Variants in NCKAP5 observed in about 807,000 individuals in gnomAD.
NCKAP5 encodes the protein nck-associated protein 5.
A neutral mutation model predicts 167.0 loss-of-function variants in NCKAP5; 92 were observed. The ratio of observed to expected loss-of-function variants is 0.55; its 90% CI spans 0.47 to 0.66. The LOEUF (loss-of-function observed/expected upper bound fraction) is 0.66. Ranked by LOEUF, NCKAP5 falls within the 30% of genes least tolerant of loss-of-function variation. The probability of loss-of-function intolerance (pLI) is 0.00; values close to 1 mark genes in which losing one functional copy is unlikely to be tolerated. For synonymous variants in NCKAP5, 891 were observed against 877.4 expected (o/e 1.02, Z -0.27); for missense variants, 2,378 against 2,315.0 (o/e 1.03, Z -0.56).
At chr2:133,614,160 A>G in the NCKAP5 span, among the ~76,000 whole-genome samples, 1 of 152,156 alleles carries the variant, frequency 6.6e-6, no homozygotes, top group Non-Finnish European at 1.5e-5. Context: ...CTGAGATACC[A>G]AAAAACTGTG....
At chr2:133,652,304 C>T in the NCKAP5 span, among the ~76,000 whole-genome samples, 7 of 152,120 alleles carry the variant, frequency 4.6e-5, no homozygotes, top group African/African-American at 7.2e-5. Flanking sequence ...CCCAAGGCAA[C>T]GGAAGAGGGT....
At chr2:133,321,708 T>TGA (rs2150676328) in intron 3 of NCKAP5, among the ~76,000 whole-genome samples, 1 of 152,364 alleles carries the variant, frequency 6.6e-6, no homozygotes, top group East Asian at 1.9e-4. Flanking sequence ...TAAAAGTACC[T>TGA]GACTCCATTG....
chr2:132,895,998 G>T (rs1693172018), intron 8 of NCKAP5, among the ~76,000 whole-genome samples: 1 of 152,036 alleles, frequency 6.6e-6, no homozygotes, highest in Non-Finnish European at 1.5e-5. Context: ...AGCTGGGCGT[G>T]GTGGGAAGCA....
At chr2:133,287,563 C>A (rs1679240510) in intron 4 of NCKAP5, among the ~76,000 whole-genome samples, 2 of 152,190 alleles carry the variant, frequency 1.3e-5, no homozygotes, top group Non-Finnish European at 2.9e-5. Context: ...TAGCTAAACA[C>A]CTGTTATGTT....
At chr2:132,732,739 G>T (rs1317632247) in intron 16 of NCKAP5, among the ~76,000 whole-genome samples, 1 of 152,146 alleles carries the variant, frequency 6.6e-6, no homozygotes, top group Non-Finnish European at 1.5e-5. Context: ...CACATAAATT[G>T]AAGTGACGTC....
chr2:133,626,182 A>AT, the NCKAP5 span, among the ~76,000 whole-genome samples: 20 of 152,224 alleles, frequency 1.3e-4, no homozygotes, highest in African/African-American at 4.8e-4. Flanking sequence ...ATTATTAAAT[A>AT]TAGGCAATAA....
intron 19 of NCKAP5, among the ~76,000 whole-genome samples, chr2:132,721,137 G>A (rs1233308715): frequency 6.6e-6 from 1 of 151,900 alleles, no homozygotes; most frequent in Non-Finnish European, 1.5e-5. Flanking sequence ...GTGAAACCCC[G>A]TCTCTACTAA....
At chr2:133,047,633 A>G (rs1178832517) in intron 6 of NCKAP5, among the ~76,000 whole-genome samples, 1 of 152,224 alleles carries the variant, frequency 6.6e-6, no homozygotes, top group Non-Finnish European at 1.5e-5. Flanking sequence ...ATGTAAATGC[A>G]GTTATAATTA....
chr2:133,486,995 A>G (rs1434931587), intron 3 of NCKAP5, among the ~76,000 whole-genome samples: 5 of 152,200 alleles, frequency 3.3e-5, no homozygotes, highest in Admixed American at 1.3e-4. Flanking sequence ...AACTCAGCCC[A>G]GCACACTGCA....
chr2:133,086,312 C>T (rs1459565491), intron 6 of NCKAP5, among the ~76,000 whole-genome samples: 1 of 152,114 alleles, frequency 6.6e-6, no homozygotes, highest in Non-Finnish European at 1.5e-5. Flanking sequence ...CAGCTCTATT[C>T]CATTTTCCTT....
At chr2:132,932,972 T>A (rs1696522438) in intron 8 of NCKAP5, among the ~76,000 whole-genome samples, 1 of 147,860 alleles carries the variant, frequency 6.8e-6, no homozygotes. Flanking sequence ...TTGCCCAGGC[T>A]GGAGTGCAGT....
chr2:133,309,319 A>G (rs1167612103), intron 3 of NCKAP5, among the ~76,000 whole-genome samples: 1 of 152,154 alleles, frequency 6.6e-6, no homozygotes, highest in Non-Finnish European at 1.5e-5. Context: ...TTTGATTATA[A>G]ATTTTAGAAA....
chr2:132,924,379 A>T (rs144161213), intron 8 of NCKAP5, among the ~76,000 whole-genome samples: 77 of 152,322 alleles, frequency 5.1e-4, no homozygotes, highest in African/African-American at 1.8e-3. Context: ...AGTGAGAATG[A>T]CTTTAAAAGA....
Position 133,150,428 on chromosome 2 carries a change from T to A in NCKAP5, c.208-20317A>T, listed in dbSNP as rs147596833. Among the ~76,000 whole-genome samples, 201 of 152,282 alleles carry A rather than the reference T, an allele frequency of 1.3e-3. 11 individuals are homozygous for A. In the East Asian group the frequency reaches 0.03, roughly 23 times the overall value. On this transcript the variant is annotated intron_variant, in intron 5 of 19. Coordinates refer to ENST00000409261, the MANE Select transcript of NCKAP5 (RefSeq NM_207363.3). ...ATATATACTGAAGATAAGGGGGAAC[T>A]AATATAAAGTGTTCTTTACCTCCAG...
intron 19 of NCKAP5, among the ~76,000 whole-genome samples, chr2:132,677,383 T>G (rs1202520661): frequency 1.3e-5 from 2 of 152,200 alleles, no homozygotes; most frequent in Admixed American, 6.5e-5. Context: ...TAGTGGCATA[T>G]TCTCCAGAAA....
At chr2:133,611,465 C>A in the NCKAP5 span, among the ~76,000 whole-genome samples, 1 of 152,158 alleles carries the variant, frequency 6.6e-6, no homozygotes, top group Admixed American at 6.5e-5. Flanking sequence ...GGTTCATGAG[C>A]CTCTCAATTT....
At chr2:133,052,906 A>T (rs1288870873) in intron 6 of NCKAP5, among the ~76,000 whole-genome samples, 1 of 152,310 alleles carries the variant, frequency 6.6e-6, no homozygotes, top group Admixed American at 6.5e-5. Flanking sequence ...AGGGTAAAAG[A>T]AAATTCTAAG....
chr2:133,655,326 G>A, the NCKAP5 span, among the ~76,000 whole-genome samples: 5 of 152,140 alleles, frequency 3.3e-5, no homozygotes, highest in Admixed American at 2.0e-4. Flanking sequence ...GGCCCATATT[G>A]AGAATTTGTT....
At chr2:133,332,053 T>C (rs1682889758) in intron 3 of NCKAP5, among the ~76,000 whole-genome samples, 1 of 152,084 alleles carries the variant, frequency 6.6e-6, no homozygotes, top group African/African-American at 2.4e-5. Flanking sequence ...CTCTGAACTG[T>C]CAAGTAAGGA....
Sources: allele counts gnomAD v4.1 joint callset (sites outside exome capture counted in the v4.1 genomes callset), GRCh38; gene constraint gnomAD v4.1.1; transcripts MANE v1.5; gene names NCBI Gene and HGNC (gene_info 2026-07-23, HGNC 2026-07-21).